Variants in DGKE observed in about 807,000 individuals in gnomAD.
DGKE encodes DAG kinase epsilon.
DGKE carries 53 observed loss-of-function variants against 70.0 expected under a neutral mutation model. The ratio of observed to expected loss-of-function variants is 0.76; its 90% CI spans 0.61 to 0.95. The LOEUF is 0.95. DGKE is among the 40% of genes least tolerant of loss of function. The probability of loss-of-function intolerance (pLI) is 0.00; values close to 1 mark genes in which losing one functional copy is unlikely to be tolerated. For missense variants in DGKE, 655 were observed against 706.9 expected (o/e 0.93, Z 0.83); for synonymous variants, 291 against 257.0 (o/e 1.13, Z -1.27).
intron 9 of DGKE, among the ~76,000 whole-genome samples, chr17:56,860,602 TCTTA>T (rs1281180703): frequency 6.6e-6 from 1 of 152,184 alleles, no homozygotes; most frequent in Non-Finnish European, 1.5e-5. Context: ...AAGCATGTGG[TCTTA>T]CAGGAATAAA....
rs999748277 is a variant in DGKE, at chr17:56,863,987, T to A, written c.*1196T>A. On this transcript the variant is annotated 3_prime_UTR_variant, in exon 12 of 12. Transcript: ENST00000284061. ...CTGACAGAAATCTAGATATTCTTAT[T>A]CTTCACAAATATTCCTCATTGTATT... 14 of 152,332 alleles carry A rather than the reference T, an allele frequency of 9.2e-5. No individual in the cohort carries two copies. Among genetic ancestry groups the A allele is most frequent in the African/African-American group, 3.4e-4 (14 of 41,574 alleles). The allele number at this position is 152,332 out of a possible 1,614,324, so 9.4% of individuals were successfully genotyped here. A position where few individuals can be genotyped will look rare whatever the true frequency, so the allele number is the denominator to read the frequency against.
intron 2 of DGKE, among the ~76,000 whole-genome samples, chr17:56,838,321 C>T (rs1906757994): frequency 6.6e-6 from 1 of 152,196 alleles, no homozygotes; most frequent in South Asian, 2.1e-4. Context: ...TTATCTGAAA[C>T]AGTGAAAGAT....
intron 2 of DGKE, chr17:56,836,084 C>T (rs2144187992): frequency 6.6e-6 from 1 of 152,320 alleles, no homozygotes; most frequent in South Asian, 2.1e-4. Flanking sequence ...TAACACTTAG[C>T]CTCCTTTGAG....
intron 6 of DGKE, 147 bp from the exon 7 acceptor site, chr17:56,849,034 T>C: frequency 8.7e-7 from 1 of 1,145,850 alleles, no homozygotes; most frequent in South Asian, 1.6e-5. Context: ...TAAGTTACAC[T>C]GAGTACTTAT....
At position 56,862,903 on chromosome 17, in the gene DGKE, T is replaced by A; in HGVS notation, c.*112T>A. 1.1e-6 allele frequency: 1 copy of A among 896,374 alleles called. No individual in the cohort carries two copies. The highest frequency in any genetic ancestry group is 1.5e-6 in the Non-Finnish European group (1 of 654,416). The allele number at this position is 896,374 out of a possible 1,614,324, so 55.5% of individuals were successfully genotyped here. A position where few individuals can be genotyped will look rare whatever the true frequency, so the allele number is the denominator to read the frequency against. On this transcript the variant is annotated 3_prime_UTR_variant, in exon 12 of 12. Coordinates refer to ENST00000284061, the MANE Select transcript of DGKE (RefSeq NM_003647.3). The stretch of plus-strand genomic sequence containing the variant: ...AGCTATTCAGTCTTAATTTCACTAG[T>A]AGTATAATGGGTATACATTTTTGTA...
intron 5 of DGKE, 54 bp downstream of exon 5, chr17:56,848,119 CAT>C (rs56356802): frequency 2.2e-3 from 1,531 of 702,990 alleles, no homozygotes; most frequent in Middle Eastern, 3.4e-3. Context: ...ATATACTATA[CAT>C]ATATATATAT....
Position 56,847,937 on chromosome 17 carries a change from A to C in DGKE, c.760A>C (p.Lys254Gln). ...TTGTTTCTAGGTTTTTGATGTAACT[A>C]AAACTCCTCCTATCAAAGCCCTACA... The part of the protein sequence containing the change: ...LNPVQVFDVT[K>Q]TPPIKALQLC... The change falls in exon 5 of 12, where the codon AAA becomes CAA. Residue 254 changes from lysine to glutamine, a missense_variant. Physicochemically the swap from Lys to Gln is moderately conservative, Grantham distance 53. Transcript: ENST00000284061. The C allele has an allele frequency of 6.4e-7, 1 of 1,564,700 alleles. No homozygotes were observed. The highest frequency in any genetic ancestry group is 1.2e-5 in the South Asian group (1 of 81,678).
At position 56,868,384 on chromosome 17, in the gene DGKE, C is replaced by T. The variant is rs1033123745; in HGVS notation, c.*5593C>T. 6.6e-6 allele frequency: 1 copy of T among 152,234 alleles called. No homozygotes were observed. Among genetic ancestry groups the T allele is most frequent in the East Asian group, 1.9e-4 (1 of 5,202 alleles). 9.4% of individuals were successfully genotyped at this position (152,234 alleles called of 1,614,324 possible). ...TTCTGTTTGTACAAGTTTAGAGCAG[C>T]CTAGCTCGAGTCCTCAACCCCAGTC... On this transcript the variant is annotated 3_prime_UTR_variant, in exon 12 of 12. Coordinates refer to ENST00000284061, the MANE Select transcript of DGKE (RefSeq NM_003647.3).
In DGKE at chr17:56,862,837, G is replaced by C. The variant is rs780538846; in HGVS notation, c.*46G>C. 7.1e-7 allele frequency: 1 copy of C among 1,403,774 alleles called. No individual in the cohort carries two copies. Among genetic ancestry groups the C allele is most frequent in the East Asian group, 2.6e-5 (1 of 38,378 alleles). The allele number at this position is 1,403,774 out of a possible 1,614,324, so 87.0% of individuals were successfully genotyped here. ...TTTGCATAGAATCCTCACGCAAGTA[G>C]ATACATGTTCATCCAAAAGTATTAA... On this transcript the variant is annotated 3_prime_UTR_variant, in exon 12 of 12. Coordinates refer to ENST00000284061, the MANE Select transcript of DGKE (RefSeq NM_003647.3).
At chr17:56,843,169 C>G (rs943818740) in intron 2 of DGKE, among the ~76,000 whole-genome samples, 1 of 152,072 alleles carries the variant, frequency 6.6e-6, no homozygotes, top group African/African-American at 2.4e-5. Context: ...TTTAGATCAG[C>G]TTTTGTTTAT....
intron 7 of DGKE, among the ~76,000 whole-genome samples, chr17:56,852,604 A>AT (rs66464119): frequency 6.7e-6 from 1 of 149,172 alleles, no homozygotes; most frequent in Non-Finnish European, 1.5e-5. Flanking sequence ...GCTTTGATTT[A>AT]TTTTAAAAAA....
At chr17:56,848,181 A>T in intron 5 of DGKE, 116 bp downstream of exon 5, 1 of 624,872 alleles carries the variant, frequency 1.6e-6, no homozygotes, top group South Asian at 7.4e-5. Flanking sequence ...TTCTTGAGAT[A>T]CAGTCTCGCA....
Position 56,863,850 on chromosome 17 carries a change from T to C in DGKE, c.*1059T>C, listed in dbSNP as rs1293610193. 1 of 152,242 alleles carries C rather than the reference T, an allele frequency of 6.6e-6. No individual in the cohort carries two copies. 9.4% of individuals were successfully genotyped at this position (152,242 alleles called of 1,614,324 possible). A position where few individuals can be genotyped will look rare whatever the true frequency, so the allele number is the denominator to read the frequency against. On this transcript the variant is annotated 3_prime_UTR_variant, in exon 12 of 12. Transcript: ENST00000284061. Reference sequence around the variant, plus strand: ...TACCTTGTGGTATGGTACCTGTGTTTAGTGTTTACGTTCTGTAGCTTTATT... The same window carrying C: ...TACCTTGTGGTATGGTACCTGTGTTCAGTGTTTACGTTCTGTAGCTTTATT...
intron 7 of DGKE, among the ~76,000 whole-genome samples, chr17:56,853,730 A>G (rs1403428112): frequency 6.6e-6 from 1 of 152,204 alleles, no homozygotes; most frequent in Non-Finnish European, 1.5e-5. Flanking sequence ...AATTAGTACA[A>G]CCATTTTGGG....
chr17:56,858,092 AAAAG>A (rs1394069554), intron 8 of DGKE, among the ~76,000 whole-genome samples: 19 of 151,632 alleles, frequency 1.3e-4, no homozygotes, highest in Middle Eastern at 3.4e-3. Flanking sequence ...AAAAAAAAGA[AAAAG>A]AAAAAATCAC....
In DGKE at chr17:56,862,623, GT is replaced by G. The variant is rs1908361782; in HGVS notation, c.1537del (p.Cys513AlafsTer3). On this transcript the variant is annotated frameshift_variant, in exon 12 of 12. Transcript: ENST00000284061. LOFTEE classifies it high-confidence loss of function. ...TTCCCTAATATCAGCTGATTTTGAA[GT>G]GCTCCATGATGCCAATGCAGGTGGA... ...QAHTVRLILK[C>X]SMMPMQVDGE... 1 of 1,551,694 alleles carries G rather than the reference GT, an allele frequency of 6.4e-7. No individual in the cohort carries two copies. Among genetic ancestry groups the G allele is most frequent in the Admixed American group, 2.3e-5 (1 of 43,364 alleles).
intron 4 of DGKE, chr17:56,847,703 C>A (rs1007380823): frequency 8.2e-6 from 2 of 242,850 alleles, no homozygotes; most frequent in African/African-American, 4.5e-5. Flanking sequence ...CCTCAGTTTC[C>A]AGCCCAATAG....
chr17:56,837,508 T>G (rs1906705161), intron 2 of DGKE, among the ~76,000 whole-genome samples: 1 of 152,234 alleles, frequency 6.6e-6, no homozygotes, highest in African/African-American at 2.4e-5. Flanking sequence ...AGGAGATGTT[T>G]ATTATTCCCA....
intron 7 of DGKE, 147 bp from the exon 8 acceptor site, chr17:56,856,365 C>G (rs138523306): frequency 2.6e-5 from 22 of 833,828 alleles, no homozygotes; most frequent in Non-Finnish European, 3.5e-5. Context: ...GGTAACTTCA[C>G]TGGACAGTAT....
Sources: gnomAD v4.1 joint callset for allele counts (sites outside exome capture counted in the v4.1 genomes callset) on GRCh38, gnomAD v4.1.1 for gene constraint, MANE v1.5 for transcripts, NCBI Gene and HGNC (gene_info 2026-07-23, HGNC 2026-07-21) for gene names.